Variants in C4orf50 observed in about 807,000 individuals in gnomAD.
C4orf50 encodes chromosome 4 open reading frame 50.
Under a neutral mutation model 77.2 loss-of-function variants are expected in C4orf50, and 80 were observed. The ratio of observed to expected loss-of-function variants is 1.04; its 90% CI spans 0.87 to 1.25. The LOEUF (loss-of-function observed/expected upper bound fraction) is 1.25. Among genes scored for constraint, C4orf50 ranks in the 50% most tolerant of loss-of-function variants. The pLI is 0.00. For synonymous variants in C4orf50, 532 were observed against 465.3 expected (o/e 1.14, Z -1.84); for missense variants, 1,257 against 1,152.9 (o/e 1.09, Z -1.31).
chr4:6,004,853 G>A (rs201155388), intron 25 of C4orf50, among the ~76,000 whole-genome samples: 2 of 151,998 alleles, frequency 1.3e-5, no homozygotes, highest in South Asian at 2.1e-4. Context: ...GATGGTGATG[G>A]TGGTGATGAT....
At chr4:6,006,205 T>C (rs1174057935) in intron 25 of C4orf50, among the ~76,000 whole-genome samples, 1 of 152,088 alleles carries the variant, frequency 6.6e-6, no homozygotes, top group Non-Finnish European at 1.5e-5. Flanking sequence ...CTGAGAAAAT[T>C]CAGATCATTT....
At chr4:5,995,731 A>C (rs1383956957) in intron 25 of C4orf50, among the ~76,000 whole-genome samples, 1 of 152,156 alleles carries the variant, frequency 6.6e-6, no homozygotes, top group East Asian at 1.9e-4. Context: ...GTGCTTAATA[A>C]ATGTTTCATC....
chr4:5,907,104 C>T (rs1716582696), intron 7 of C4orf50, among the ~76,000 whole-genome samples: 2 of 152,192 alleles, frequency 1.3e-5, no homozygotes, highest in South Asian at 2.1e-4. Context: ...GGTACTGCTG[C>T]AGTCAGTGAT....
At position 5,943,849 on chromosome 4, in the gene C4orf50, C is replaced by G. The variant is rs138516694; in HGVS notation, c.*2474+13052G>C. Among the ~76,000 whole-genome samples the G allele has an allele frequency of 6.7e-3, 1,019 of 152,316 alleles. 17 individuals carry two copies. The highest frequency in any genetic ancestry group is 0.023 in the African/African-American group (976 of 41,568). ...GACTCATCGGACTTCATCTTATTTC[C>G]TTAAACGACGAATTCCTTTTGAGAG... On this transcript the variant is annotated intron_variant, in intron 7 of 7. Coordinates refer to the C4orf50 transcript ENST00000324058.
At chr4:5,904,987 C>G (rs902628901) in intron 7 of C4orf50, 1 of 152,282 alleles carries the variant, frequency 6.6e-6, no homozygotes, top group African/African-American at 2.4e-5. Flanking sequence ...ACAAACACAA[C>G]AAGGATCCTG....
At chr4:5,991,845 C>G (rs1485013066) in intron 27 of C4orf50, among the ~76,000 whole-genome samples, 1 of 152,206 alleles carries the variant, frequency 6.6e-6, no homozygotes. Flanking sequence ...CTGCCCCTGC[C>G]TGGAGGGGCC....
At chr4:5,924,284 C>G (rs192999321) in intron 7 of C4orf50, among the ~76,000 whole-genome samples, 1 of 152,310 alleles carries the variant, frequency 6.6e-6, no homozygotes, top group African/African-American at 2.4e-5. Flanking sequence ...CTGACTAATA[C>G]AAGAGCCAAG....
At chr4:5,965,561 C>T (rs565694978) in intron 32 of C4orf50, among the ~76,000 whole-genome samples, 66 of 152,316 alleles carry the variant, frequency 4.3e-4, no homozygotes, top group Non-Finnish European at 8.5e-4. Flanking sequence ...TTCTTTGAAA[C>T]GGGATGAAGC....
chr4:5,909,481 G>T (rs1042194838), intron 7 of C4orf50, among the ~76,000 whole-genome samples: 1 of 152,112 alleles, frequency 6.6e-6, no homozygotes, highest in African/African-American at 2.4e-5. Flanking sequence ...TCTGTTGATT[G>T]TTTCCTTTGC....
rs1721356727 is a variant in C4orf50, at chr4:5,992,704, C to A, written c.1221+99G>T. Reference sequence around the variant, plus strand: ...TTCTCCCAGACCTGGAGCTTCTTTACCCCTCCCACATCCTGCGTGTGGCCA... The same window carrying A: ...TTCTCCCAGACCTGGAGCTTCTTTAACCCTCCCACATCCTGCGTGTGGCCA... On this transcript the variant is annotated intron_variant, in intron 27 of 33. Coordinates refer to ENST00000531445, the Ensembl canonical transcript of C4orf50. The surrounding 1 kb of genome is among the most constrained non-coding windows in gnomAD (Gnocchi z 5.0). The A allele has an allele frequency of 5.4e-6, 2 of 373,684 alleles. No homozygotes were observed. The highest frequency in any genetic ancestry group is 9.5e-6 in the Non-Finnish European group (2 of 210,684). 23.1% of individuals were successfully genotyped at this position (373,684 alleles called of 1,614,324 possible).
In C4orf50 at chr4:5,987,412, C is replaced by CAAAAAAAAAAAA. The variant is rs58512584; in HGVS notation, c.3699+923_3699+934dup. On this transcript the variant is annotated intron_variant, in intron 28 of 33. Coordinates refer to ENST00000531445, the Ensembl canonical transcript of C4orf50. ...GGTGACAGAGCGAGACTCTGTCTCACAAAAAAAAAAAAAAAAAAAAAAAGA... is the reference window on the plus strand; with the variant it reads ...GGTGACAGAGCGAGACTCTGTCTCACAAAAAAAAAAAAAAAAAAAAAAAAAAAAAAAAAAAGA... Among the ~76,000 whole-genome samples the CAAAAAAAAAAAA allele has an allele frequency of 1.7e-3, 58 of 33,556 alleles. 3 individuals carry two copies. Among genetic ancestry groups the CAAAAAAAAAAAA allele is most frequent in the Admixed American group, 3.0e-3 (5 of 1,664 alleles). The allele number at this position is 33,556 out of a possible 152,430, so 22.0% of individuals were successfully genotyped here.
At chr4:5,931,871 T>C (rs1051589020) in intron 7 of C4orf50, among the ~76,000 whole-genome samples, 16 of 152,046 alleles carry the variant, frequency 1.1e-4, no homozygotes, top group Non-Finnish European at 1.9e-4. Context: ...CCTCCTTCTA[T>C]TCATTGATTC....
At chr4:6,004,333 A>T (rs1577992716) in intron 25 of C4orf50, among the ~76,000 whole-genome samples, 1 of 104,494 alleles carries the variant, frequency 9.6e-6, no homozygotes, top group African/African-American at 4.3e-5. Flanking sequence ...AATGGTGATG[A>T]TGGTGATGGT....
chr4:5,949,604 GT>G (rs1718633957), intron 7 of C4orf50, among the ~76,000 whole-genome samples: 1 of 152,228 alleles, frequency 6.6e-6, no homozygotes. Flanking sequence ...GATGAGAAGG[GT>G]TCTGTGGGTG....
At chr4:6,012,265 G>A (rs901955471) in intron 23 of C4orf50, among the ~76,000 whole-genome samples, 4 of 152,158 alleles carry the variant, frequency 2.6e-5, no homozygotes, top group African/African-American at 9.7e-5. Flanking sequence ...ACCTGAGCTT[G>A]AGTCATTTAG....
intron 7 of C4orf50, among the ~76,000 whole-genome samples, chr4:5,947,317 C>T (rs1342100758): frequency 6.6e-6 from 1 of 152,040 alleles, no homozygotes; most frequent in Non-Finnish European, 1.5e-5. Flanking sequence ...TATCAAGCCC[C>T]CAGCAGGGTT....
At chr4:5,983,863 A>G (rs192355720) in intron 28 of C4orf50, among the ~76,000 whole-genome samples, 1,604 of 151,154 alleles carry the variant, frequency 0.011, 25 homozygotes, top group African/African-American at 0.036. Context: ...AAGTCCAAAT[A>G]CTGTCCTAGA....
rs1413635154 is a variant in C4orf50 at position 6,011,324 on chromosome 4, C to T, written c.426+506G>A. Reference sequence around the variant, plus strand: ...CGGTGATATCCTCTGTGTTCTCCCACACCTCTGTGCTACGGCCCCGTGCTG... The same window carrying T: ...CGGTGATATCCTCTGTGTTCTCCCATACCTCTGTGCTACGGCCCCGTGCTG... On this transcript the variant is annotated intron_variant, in intron 24 of 33. Transcript: ENST00000531445. This position sits in a 1 kb window ranked among gnomAD's most constrained non-coding sequence, Gnocchi z 4.2. 6.6e-6 allele frequency among the ~76,000 whole-genome samples: 1 copy of T among 152,126 alleles called. No individual in the cohort carries two copies. Among genetic ancestry groups the T allele is most frequent in the African/African-American group, 2.4e-5 (1 of 41,424 alleles).
rs1332155309 is a variant in C4orf50 at position 6,000,468 on chromosome 4, A to C, written c.964-5992T>G. Among the ~76,000 whole-genome samples, 1 of 152,076 alleles carries C rather than the reference A, an allele frequency of 6.6e-6. No homozygotes were observed. The highest frequency in any genetic ancestry group is 2.4e-5 in the African/African-American group (1 of 41,426). ...TTTCCAGGCAGCCCTTTTTGACCTC[A>C]AGATGCTGTTTGTGGGCCATCAGCT... On this transcript the variant is annotated intron_variant, in intron 25 of 33. Transcript: ENST00000531445. This position sits in a 1 kb window ranked among gnomAD's most constrained non-coding sequence, Gnocchi z 6.0.
Sources: allele counts gnomAD v4.1 joint callset (sites outside exome capture counted in the v4.1 genomes callset), GRCh38; gene constraint gnomAD v4.1.1; non-coding constraint Gnocchi (gnomAD v3.1); transcripts MANE v1.5; gene names NCBI Gene and HGNC (gene_info 2026-07-23, HGNC 2026-07-21).